Variants in ZNF469 observed in about 807,000 individuals in gnomAD.
ZNF469 encodes the protein zinc finger protein 469.
A neutral mutation model predicts 1.0 loss-of-function variants in ZNF469; 1 was observed. The observed-to-expected ratio is 1.00, with a 90% CI of 0.35 to 4.73. The LOEUF is 4.73. Ranked by LOEUF, ZNF469 falls within the 30% of genes most tolerant of loss-of-function variation. The pLI is 0.16. For synonymous variants in ZNF469, 2,703 were observed against 2,363.4 expected (o/e 1.14, Z -4.17); for missense variants, 6,100 against 5,356.3 (o/e 1.14, Z -4.33).
chr16:88,285,855 G>A, the ZNF469 span, among the ~76,000 whole-genome samples: 9 of 152,346 alleles, frequency 5.9e-5, no homozygotes, highest in African/African-American at 1.9e-4. Flanking sequence ...CATGTGGGAG[G>A]GGCCCTCGTG....
At chr16:88,253,738 C>T in the ZNF469 span, among the ~76,000 whole-genome samples, 1 of 152,092 alleles carries the variant, frequency 6.6e-6, no homozygotes, top group African/African-American at 2.4e-5. Flanking sequence ...AGGGTTTCAC[C>T]ATGCTGGCCA....
At chr16:88,176,581 T>G in the ZNF469 span, among the ~76,000 whole-genome samples, 1 of 152,126 alleles carries the variant, frequency 6.6e-6, no homozygotes, top group Non-Finnish European at 1.5e-5. Context: ...TCCCATGAAA[T>G]TAAAGAGCTG....
chr16:88,288,409 G>T, the ZNF469 span, among the ~76,000 whole-genome samples: 1 of 152,058 alleles, frequency 6.6e-6, no homozygotes, highest in Non-Finnish European at 1.5e-5. Flanking sequence ...ATTTGCCTTT[G>T]TTCACCCCAT....
the ZNF469 span, among the ~76,000 whole-genome samples, chr16:88,273,249 G>T: frequency 1.9e-4 from 15 of 78,526 alleles, no homozygotes; most frequent in African/African-American, 7.1e-4. Flanking sequence ...GTGGTGTTAT[G>T]CTAGAAAAGA....
chr16:88,237,025 C>T, the ZNF469 span, among the ~76,000 whole-genome samples: 1 of 151,256 alleles, frequency 6.6e-6, no homozygotes, highest in Non-Finnish European at 1.5e-5. Context: ...TCCATCCTCC[C>T]TTGCCCTCCA....
chr16:88,394,155 A>AG (rs1271665472), intron 1 of ZNF469, among the ~76,000 whole-genome samples: 18,782 of 148,068 alleles, frequency 0.13, 5,806 homozygotes, highest in Non-Finnish European at 0.16. Flanking sequence ...GCGCTGTCCG[A>AG]GAGGGATGGG....
intron 1 of ZNF469, among the ~76,000 whole-genome samples, chr16:88,420,252 G>A (rs10451134): frequency 0.039 from 5,866 of 152,292 alleles, 382 homozygotes; most frequent in African/African-American, 0.13. Flanking sequence ...GGGAAGGCAC[G>A]GGCCAGCCCT....
At chr16:88,379,905 G>A (rs1325942608), upstream of ZNF469, among the ~76,000 whole-genome samples, 1 of 152,196 alleles carries the variant, frequency 6.6e-6, no homozygotes, top group Non-Finnish European at 1.5e-5. Context: ...CTGGCCCGGA[G>A]TGGGTACAGG....
At chr16:88,305,579 C>T in the ZNF469 span, among the ~76,000 whole-genome samples, 3 of 149,962 alleles carry the variant, frequency 2.0e-5, no homozygotes, top group African/African-American at 4.9e-5. Context: ...CACACGCTCA[C>T]AGGCACACAC....
chr16:88,292,817 A>AC, the ZNF469 span, among the ~76,000 whole-genome samples: 162 of 151,352 alleles, frequency 1.1e-3, 1 homozygote, highest in African/African-American at 3.9e-3. Context: ...AAAAAAAAAA[A>AC]AACCTCTAAC....
the ZNF469 span, among the ~76,000 whole-genome samples, chr16:88,241,095 G>A: frequency 1.1e-3 from 165 of 152,288 alleles, 1 homozygote; most frequent in Non-Finnish European, 1.5e-3. This position sits in a 1 kb window ranked among gnomAD's most constrained non-coding sequence, Gnocchi z 4.8. Context: ...TAGGCCGGGC[G>A]CAGTGGCTCA....
the ZNF469 span, among the ~76,000 whole-genome samples, chr16:88,215,415 G>A: frequency 1.1e-5 from 1 of 94,246 alleles, no homozygotes; most frequent in African/African-American, 4.4e-5. Context: ...TTGAGACAGA[G>A]TCTCACTCTT....
At chr16:88,399,513 G>A (rs1184027791) in intron 1 of ZNF469, among the ~76,000 whole-genome samples, 1 of 152,220 alleles carries the variant, frequency 6.6e-6, no homozygotes. Flanking sequence ...AAGCCCGGCT[G>A]TGGGTGGCAG....
At chr16:88,152,329 C>T in the ZNF469 span, among the ~76,000 whole-genome samples, 2 of 152,252 alleles carry the variant, frequency 1.3e-5, no homozygotes, top group Admixed American at 1.3e-4. This position sits in a 1 kb window ranked among gnomAD's most constrained non-coding sequence, Gnocchi z 4.2. Flanking sequence ...AGCCTACAGA[C>T]ACGCTCTGGT....
upstream of ZNF469, among the ~76,000 whole-genome samples, chr16:88,381,062 A>T (rs531138809): frequency 1.4e-5 from 2 of 147,506 alleles, no homozygotes; most frequent in South Asian, 4.3e-4. Flanking sequence ...ACACGCTCTC[A>T]CACACAGGCA....
At chr16:88,303,215 C>T in the ZNF469 span, among the ~76,000 whole-genome samples, 3 of 152,204 alleles carry the variant, frequency 2.0e-5, no homozygotes, top group Admixed American at 1.3e-4. Flanking sequence ...AGAGCTGTAC[C>T]CTCCAGCATG....
the ZNF469 span, among the ~76,000 whole-genome samples, chr16:88,105,506 T>G: frequency 1.3e-5 from 2 of 152,096 alleles, no homozygotes. Flanking sequence ...AGTTTCACTG[T>G]GTTGGCCAGG....
chr16:88,281,985 T>G, the ZNF469 span, among the ~76,000 whole-genome samples: 4 of 152,244 alleles, frequency 2.6e-5, no homozygotes, highest in Admixed American at 2.6e-4. Flanking sequence ...ATCATGCTGA[T>G]GCTGGTGCAT....
At chr16:88,387,221 G>A (rs574496868) in intron 1 of ZNF469, among the ~76,000 whole-genome samples, 36 of 152,326 alleles carry the variant, frequency 2.4e-4, no homozygotes, top group Admixed American at 1.6e-3. Flanking sequence ...GCGTGCCTGC[G>A]GAAGCTGCCC....
Sources: allele counts gnomAD v4.1 joint callset (sites outside exome capture counted in the v4.1 genomes callset), GRCh38; gene constraint gnomAD v4.1.1; non-coding constraint Gnocchi (gnomAD v3.1); transcripts MANE v1.5; gene names NCBI Gene and HGNC (gene_info 2026-07-23, HGNC 2026-07-21).